Variants in CREB5 observed in about 807,000 individuals in gnomAD.
CREB5 encodes cyclic AMP-responsive element-binding protein 5.
A neutral mutation model predicts 57.1 loss-of-function variants in CREB5; 19 were observed. The ratio of observed to expected loss-of-function variants is 0.33; its 90% CI spans 0.23 to 0.49. The LOEUF (loss-of-function observed/expected upper bound fraction) is 0.49, where lower values mean the gene tolerates loss of function less well. Among genes scored for constraint, CREB5 ranks in the 20% least tolerant of loss-of-function variants. CREB5 has a pLI of 0.99. For synonymous variants in CREB5, 238 were observed against 238.3 expected (o/e 1.00, Z 0.01); for missense variants, 579 against 671.6 (o/e 0.86, Z 1.52).
At chr7:28,342,137 C>T (rs755265184) in intron 1 of CREB5, among the ~76,000 whole-genome samples, 9 of 152,164 alleles carry the variant, frequency 5.9e-5, no homozygotes, top group Non-Finnish European at 1.0e-4. Flanking sequence ...GTCCTGTCCC[C>T]CTCTGCTCTT....
chr7:28,755,193 G>A (rs1461363546), intron 7 of CREB5, among the ~76,000 whole-genome samples: 2 of 152,182 alleles, frequency 1.3e-5, no homozygotes, highest in Non-Finnish European at 2.9e-5. Flanking sequence ...ACCTGCTACT[G>A]GATCTGGAAG....
intron 5 of CREB5, among the ~76,000 whole-genome samples, chr7:28,583,735 A>G (rs1260611118): frequency 6.6e-6 from 1 of 151,728 alleles, no homozygotes; most frequent in Non-Finnish European, 1.5e-5. Flanking sequence ...CTGGAGTGCA[A>G]TGGCATGATC....
intron 1 of CREB5, among the ~76,000 whole-genome samples, chr7:28,436,769 A>AATC (rs1352153348): frequency 1.3e-5 from 2 of 152,126 alleles, no homozygotes; most frequent in African/African-American, 4.8e-5. Flanking sequence ...TGCTTGAACT[A>AATC]ATCATTGCCT....
At chr7:28,733,770 T>C (rs1207850487) in intron 7 of CREB5, among the ~76,000 whole-genome samples, 8 of 152,202 alleles carry the variant, frequency 5.3e-5, no homozygotes, top group Non-Finnish European at 1.0e-4. Flanking sequence ...TCTCCTGTAC[T>C]TGCTAGGTGC....
chr7:28,706,421 T>TG (rs1302294513), intron 5 of CREB5, among the ~76,000 whole-genome samples: 9 of 152,162 alleles, frequency 5.9e-5, no homozygotes, highest in Non-Finnish European at 2.9e-5. Flanking sequence ...GGTGTTTGTA[T>TG]GTAGCAGGTG....
At chr7:28,728,452 ATT>A (rs1341963701) in intron 7 of CREB5, among the ~76,000 whole-genome samples, 3 of 152,206 alleles carry the variant, frequency 2.0e-5, no homozygotes, top group Non-Finnish European at 2.9e-5. Flanking sequence ...GTTAATTTAT[ATT>A]TACATAAAAA....
intron 5 of CREB5, among the ~76,000 whole-genome samples, chr7:28,583,237 G>A (rs1796183508): frequency 6.6e-6 from 1 of 152,130 alleles, no homozygotes; most frequent in African/African-American, 2.4e-5. Context: ...TTTTCTCTAT[G>A]TACCACAAAC....
chr7:28,497,317 A>G (rs1170287986), intron 3 of CREB5, among the ~76,000 whole-genome samples: 2 of 152,216 alleles, frequency 1.3e-5, no homozygotes, highest in Non-Finnish European at 2.9e-5. Context: ...TTTTTGGGTT[A>G]ATCTCTTGCA....
At chr7:28,658,242 A>G (rs948199311) in intron 5 of CREB5, among the ~76,000 whole-genome samples, 17 of 152,196 alleles carry the variant, frequency 1.1e-4, no homozygotes, top group Admixed American at 8.5e-4. Context: ...CTTGTTTTTC[A>G]AAGAATCAGG....
intron 7 of CREB5, among the ~76,000 whole-genome samples, chr7:28,749,705 A>G (rs1804873513): frequency 6.6e-6 from 1 of 152,214 alleles, no homozygotes; most frequent in Non-Finnish European, 1.5e-5. Context: ...CAATGTCCAT[A>G]ATGATGGAGT....
intron 7 of CREB5, among the ~76,000 whole-genome samples, chr7:28,743,796 C>T (rs1264598455): frequency 2.7e-5 from 4 of 149,062 alleles, no homozygotes; most frequent in Admixed American, 6.7e-5. Flanking sequence ...TGTCCTTCCC[C>T]GGTCTTTCTT....
At chr7:28,573,982 A>C (rs1029339314) in intron 5 of CREB5, among the ~76,000 whole-genome samples, 81 of 152,230 alleles carry the variant, frequency 5.3e-4, no homozygotes, top group African/African-American at 1.9e-3. Context: ...ACCAGAGGTA[A>C]ATATAAATAT....
At chr7:28,489,469 T>C (rs1374896129) in intron 2 of CREB5, among the ~76,000 whole-genome samples, 14 of 151,690 alleles carry the variant, frequency 9.2e-5, no homozygotes, top group Admixed American at 5.9e-4. Flanking sequence ...CCGGGTAATT[T>C]TTTGTGTATT....
chr7:28,491,236 A>G (rs1791792916), intron 2 of CREB5: 1 of 985,398 alleles, frequency 1.0e-6, no homozygotes, highest in Non-Finnish European at 1.2e-6. Flanking sequence ...GAGTTTGTCA[A>G]GAACAAGAAA....
intron 5 of CREB5, among the ~76,000 whole-genome samples, chr7:28,642,997 C>CACACACACAT (rs1798738587): frequency 3.9e-5 from 5 of 127,904 alleles, no homozygotes; most frequent in African/African-American, 1.4e-4. Context: ...TACACACACA[C>CACACACACAT]ACACACACAC....
chr7:28,741,291 C>T (rs1319431430), intron 7 of CREB5, among the ~76,000 whole-genome samples: 3 of 152,150 alleles, frequency 2.0e-5, no homozygotes, highest in Non-Finnish European at 2.9e-5. Context: ...CCCACAAAAG[C>T]CTTTTATTCC....
chr7:28,517,313 GA>G (rs749828914), intron 4 of CREB5, among the ~76,000 whole-genome samples: 1 of 152,200 alleles, frequency 6.6e-6, no homozygotes, highest in African/African-American at 2.4e-5. Context: ...GTATGGGAGT[GA>G]TTTACTCTGA....
chr7:28,805,456 A>G (rs1478879951), intron 8 of CREB5, among the ~76,000 whole-genome samples: 1 of 152,140 alleles, frequency 6.6e-6, no homozygotes, highest in Non-Finnish European at 1.5e-5. Flanking sequence ...GCTGAATCAG[A>G]AGGGTGTCGG....
chr7:28,474,731 T>C (rs956202400), intron 1 of CREB5, among the ~76,000 whole-genome samples: 3 of 152,148 alleles, frequency 2.0e-5, no homozygotes, highest in African/African-American at 7.2e-5. Flanking sequence ...GATGTCAGTA[T>C]TGAAAAGGGG....
Sources: gnomAD v4.1 joint callset for allele counts (sites outside exome capture counted in the v4.1 genomes callset) on GRCh38, gnomAD v4.1.1 for gene constraint, MANE v1.5 for transcripts, NCBI Gene and HGNC (gene_info 2026-07-23, HGNC 2026-07-21) for gene names.